Variants in PPM1D observed in about 807,000 individuals in gnomAD.
The protein encoded by PPM1D is protein phosphatase 1D.
Under a neutral mutation model 58.3 loss-of-function variants are expected in PPM1D, and 52 were observed. The ratio of observed to expected loss-of-function variants is 0.89; its 90% CI spans 0.71 to 1.12. The LOEUF is 1.12. PPM1D is among the 50% of genes most tolerant of loss of function. The pLI, the probability that PPM1D is intolerant of heterozygous loss-of-function variation, is 0.00. For synonymous variants in PPM1D, 278 were observed against 285.1 expected, an observed-to-expected ratio of 0.98 and a Z score of 0.25; for missense variants, 564 against 777.2, an observed-to-expected ratio of 0.73 and a Z score of 3.26.
chr17:60,647,489 AATT>A (rs1417036868), intron 3 of PPM1D, among the ~76,000 whole-genome samples: 1 of 152,150 alleles, frequency 6.6e-6, no homozygotes, highest in Non-Finnish European at 1.5e-5. Context: ...GTATAAATGA[AATT>A]ATCTGCAAAT....
At chr17:60,655,804 C>T (rs1276976169) in intron 4 of PPM1D, among the ~76,000 whole-genome samples, 7 of 151,444 alleles carry the variant, frequency 4.6e-5, no homozygotes, top group Admixed American at 3.3e-4. Flanking sequence ...TGGGTTCAAG[C>T]GATTCTCCTG....
At chr17:60,634,006 T>C (rs772263575) in intron 3 of PPM1D, 29 bp downstream of exon 3, 1 of 1,607,210 alleles carries the variant, frequency 6.2e-7, no homozygotes, top group Non-Finnish European at 8.5e-7. Flanking sequence ...GGTGAAATTA[T>C]ATTGAATTTT....
chr17:60,634,601 C>T lies in PPM1D; in HGVS notation c.826+624C>T, dbSNP rs116693366. Among the ~76,000 whole-genome samples, 1,517 of 152,178 alleles carry T rather than the reference C, an allele frequency of 1.0e-2. 16 individuals are homozygous for T. The highest frequency in any genetic ancestry group is 0.032 in the African/African-American group (1,338 of 41,514). On this transcript the variant is annotated intron_variant, in intron 3 of 5. Transcript: ENST00000305921. ...CCTTAATAGTCCTCCTGAGAGCCTT[C>T]AAAACCTCTTTTTTCTTTAGTTAGG...
chr17:60,624,506 G>T (rs1300869736), intron 2 of PPM1D, among the ~76,000 whole-genome samples: 1 of 152,160 alleles, frequency 6.6e-6, no homozygotes, highest in East Asian at 1.9e-4. Flanking sequence ...TTAGCATCTG[G>T]CTGGGCACTG....
intron 3 of PPM1D, among the ~76,000 whole-genome samples, chr17:60,645,293 G>A (rs2031212003): frequency 6.6e-6 from 1 of 152,144 alleles, no homozygotes; most frequent in South Asian, 2.1e-4. Flanking sequence ...GGCAGAGGTT[G>A]CAGTGAGCCA....
intron 4 of PPM1D, among the ~76,000 whole-genome samples, chr17:60,651,000 A>C (rs554120689): frequency 1.6e-4 from 25 of 152,320 alleles, no homozygotes; most frequent in African/African-American, 5.5e-4. Context: ...GGAAATACTA[A>C]TTTAACAGTT....
At chr17:60,601,525 G>A (rs1470970502) in intron 1 of PPM1D, among the ~76,000 whole-genome samples, 1 of 152,186 alleles carries the variant, frequency 6.6e-6, no homozygotes, top group African/African-American at 2.4e-5. Context: ...AACGCGGAAC[G>A]TGTTGTTACC....
At chr17:60,618,767 G>T (rs772310088) in intron 1 of PPM1D, among the ~76,000 whole-genome samples, 18 of 152,096 alleles carry the variant, frequency 1.2e-4, no homozygotes, top group Non-Finnish European at 2.5e-4. Context: ...CTGAAGAATA[G>T]ATTTTTTTAG....
intron 1 of PPM1D, among the ~76,000 whole-genome samples, chr17:60,601,416 C>T (rs8075334): frequency 0.047 from 7,097 of 152,236 alleles, 587 homozygotes; most frequent in African/African-American, 0.16. Flanking sequence ...AGGGCTGAAA[C>T]GTAACCATCC....
intron 1 of PPM1D, among the ~76,000 whole-genome samples, chr17:60,619,358 A>G (rs1395195377): frequency 6.6e-6 from 1 of 151,946 alleles, no homozygotes; most frequent in Non-Finnish European, 1.5e-5. Flanking sequence ...AGGTACATGT[A>G]TCTCTCTGAG....
intron 1 of PPM1D, among the ~76,000 whole-genome samples, chr17:60,612,613 G>T (rs892724787): frequency 6.6e-6 from 1 of 152,064 alleles, no homozygotes; most frequent in African/African-American, 2.4e-5. Context: ...AAAGAAAATA[G>T]AATTATTCTT....
At chr17:60,607,864 T>G (rs1180507129) in intron 1 of PPM1D, among the ~76,000 whole-genome samples, 3 of 152,196 alleles carry the variant, frequency 2.0e-5, no homozygotes, top group Non-Finnish European at 4.4e-5. Flanking sequence ...GACTGAAGAT[T>G]TAGAGCATTC....
At chr17:60,605,802 G>A (rs1211348640) in intron 1 of PPM1D, among the ~76,000 whole-genome samples, 4 of 152,210 alleles carry the variant, frequency 2.6e-5, no homozygotes, top group Non-Finnish European at 4.4e-5. Context: ...CTACTGGGGA[G>A]GCTGAGGTGG....
At chr17:60,651,632 A>G (rs1161122669) in intron 4 of PPM1D, among the ~76,000 whole-genome samples, 1 of 151,912 alleles carries the variant, frequency 6.6e-6, no homozygotes, top group African/African-American at 2.4e-5. Context: ...TCCTGACCTC[A>G]TGATCCACCC....
In PPM1D at chr17:60,600,209, T is replaced by C. The variant is rs537948995; in HGVS notation, c.-206T>C. On this transcript the variant is annotated 5_prime_UTR_variant, in exon 1 of 6. Coordinates refer to ENST00000305921, the MANE Select transcript of PPM1D (RefSeq NM_003620.4). ...GGGAAGCGCAGTGCGCAGGCGCAAC[T>C]GCCTGGCTCTGCTCGCTCCGGCGCT... 72 of 1,008,228 alleles carry C rather than the reference T, an allele frequency of 7.1e-5. No individual in the cohort carries two copies. The South Asian group carries it at 1.2e-3, about 16-fold the overall frequency. The allele number at this position is 1,008,228 out of a possible 1,614,324, so 62.5% of individuals were successfully genotyped here.
Position 60,656,834 on chromosome 17 carries a change from C to T in PPM1D, c.1253C>T (p.Pro418Leu). ...ACTCCTTCCCCATGTTCTACACCAC[C>T]AGTCAAGGTATATAGTTCCATAGTT... ...VMTPSPCSTP[P>L]VKSLEEDPWP... The change falls in exon 5 of 6, where the codon CCA (proline) becomes CTA (leucine). Residue 418 changes from proline (P) to leucine (L), a missense_variant. Transcript: ENST00000305921. 1 of 1,614,046 alleles carries T rather than the reference C, an allele frequency of 6.2e-7. No individual in the cohort carries two copies. The highest frequency in any genetic ancestry group is 1.1e-5 in the South Asian group (1 of 91,078).
At chr17:60,607,363 A>G (rs757949608) in intron 1 of PPM1D, among the ~76,000 whole-genome samples, 1 of 151,188 alleles carries the variant, frequency 6.6e-6, no homozygotes, top group Admixed American at 6.6e-5. Flanking sequence ...GCTCACTGCA[A>G]CCTCCACCTC....
chr17:60,645,514 ATATATATG>A lies in PPM1D; in HGVS notation c.827-2370_827-2363del, dbSNP rs1178174382. Among the ~76,000 whole-genome samples, 302 of 123,574 alleles carry A rather than the reference ATATATATG, an allele frequency of 2.4e-3. 2 individuals carry two copies. Among genetic ancestry groups the A allele is most frequent in the African/African-American group, 9.9e-3 (283 of 28,474 alleles). The allele number at this position is 123,574 out of a possible 152,430, so 81.1% of individuals were successfully genotyped here. A position where few individuals can be genotyped will look rare whatever the true frequency, so the allele number is the denominator to read the frequency against. ...TGTGTATGTGTATATATATATGTGT[ATATATATG>A]TATATATATATGTGTATATATATGT... is the stretch of plus-strand genomic sequence containing the variant. On this transcript the variant is annotated intron_variant, in intron 3 of 5. Transcript: ENST00000305921.
In PPM1D at chr17:60,663,471, C is replaced by G. The variant is rs756439872; in HGVS notation, c.1737C>G (p.Thr579=). 2.5e-6 allele frequency: 4 copies of G among 1,614,086 alleles called. No homozygotes were observed. The highest frequency in any genetic ancestry group is 3.4e-6 in the Non-Finnish European group (4 of 1,180,034). ...AGCGAAAGAACTCTGTTAAACTCAC[C>G]ATGCGACGCAGACTTAGGGGCCAGA... The part of the protein sequence containing the change: ...TSQRKNSVKL[T]MRRRLRGQKK... Residue 579 remains threonine (T), a synonymous_variant, in exon 6 of 6, where the codon ACC becomes ACG. Transcript: ENST00000305921.
Sources: gnomAD v4.1 joint callset for allele counts (sites outside exome capture counted in the v4.1 genomes callset) on GRCh38, gnomAD v4.1.1 for gene constraint, MANE v1.5 for transcripts, NCBI Gene and HGNC (gene_info 2026-07-23, HGNC 2026-07-21) for gene names.